Variants in SLC22A15 observed in about 807,000 individuals in gnomAD.
SLC22A15 encodes the protein solute carrier family 22 member 15.
SLC22A15 carries 45 observed loss-of-function variants against 62.7 expected under a neutral mutation model. The ratio of observed to expected loss-of-function variants is 0.72; its 90% CI spans 0.56 to 0.92. The LOEUF is 0.92. Among genes scored for constraint, SLC22A15 ranks in the 40% least tolerant of loss-of-function variants. The probability of loss-of-function intolerance (pLI) is 0.00; values close to 1 mark genes in which losing one functional copy is unlikely to be tolerated. For synonymous variants in SLC22A15, 264 were observed against 267.0 expected (o/e 0.99, Z 0.11); for missense variants, 622 against 665.6 (o/e 0.93, Z 0.72).
In SLC22A15 at chr1:116,018,295, A is replaced by G. The variant is rs374765191; in HGVS notation, c.301-1287A>G. The stretch of plus-strand genomic sequence containing the variant: ...TGTGTTTCTGTGTCTGGCTTATTTC[A>G]TACAGTATAATGTCTTCAGAGTTTA... On this transcript the variant is annotated intron_variant, in intron 2 of 11. Transcript: ENST00000369503. Among the ~76,000 whole-genome samples, 84 of 152,266 alleles carry G rather than the reference A, an allele frequency of 5.5e-4. No homozygotes were observed. In the East Asian group the frequency reaches 0.013, roughly 23 times the overall value.
intron 1 of SLC22A15, among the ~76,000 whole-genome samples, chr1:115,985,159 A>G (rs1654797216): frequency 6.6e-6 from 1 of 152,206 alleles, no homozygotes; most frequent in Admixed American, 6.5e-5. Context: ...GGCTCCGTTC[A>G]TGGTAAGTGT....
intron 2 of SLC22A15, among the ~76,000 whole-genome samples, chr1:116,006,095 A>C (rs1457624546): frequency 6.6e-6 from 1 of 152,202 alleles, no homozygotes; most frequent in Non-Finnish European, 1.5e-5. Context: ...AGCTTGACCT[A>C]AGCAACATTT....
intron 2 of SLC22A15, among the ~76,000 whole-genome samples, chr1:116,012,632 T>A (rs1308373618): frequency 1.3e-5 from 2 of 152,154 alleles, no homozygotes; most frequent in Non-Finnish European, 2.9e-5. Flanking sequence ...GTATTTGTAT[T>A]TAAAACACAC....
Position 116,066,702 on chromosome 1 carries a change from C to G in SLC22A15, c.1548C>G (p.Pro516=), listed in dbSNP as rs914412380. The G allele has an allele frequency of 3.1e-6, 5 of 1,610,104 alleles. No individual in the cohort carries two copies. The highest frequency in any genetic ancestry group is 1.3e-5 in the African/African-American group (1 of 74,722). The change falls in exon 11 of 12, where the codon CCC becomes CCG. Residue 516 remains proline, a synonymous_variant. Coordinates refer to ENST00000369503, the MANE Select transcript of SLC22A15 (RefSeq NM_018420.3). ...EEALSLQALD[P]QQCVDKESSL... is the part of the protein sequence containing the mutation. ...CATTATCTTTACAGGCTTTGGACCC[C>G]CAACAGGTGTGATATTTTTCTTAAT...
At chr1:115,987,444 A>T (rs1385555898) in intron 1 of SLC22A15, among the ~76,000 whole-genome samples, 1 of 152,176 alleles carries the variant, frequency 6.6e-6, no homozygotes, top group Non-Finnish European at 1.5e-5. Context: ...GATTACTGGC[A>T]TGAGTCCAGC....
At position 116,025,972 on chromosome 1, in the gene SLC22A15, T is replaced by G. The variant is rs189238616; in HGVS notation, c.599-921T>G. 2.0e-3 allele frequency among the ~76,000 whole-genome samples: 299 copies of G among 152,334 alleles called. 2 individuals carry two copies. The highest frequency in any genetic ancestry group is 7.0e-3 in the South Asian group (34 of 4,834). ...CAATTCCATGGTTGATATTTTTCCA[T>G]CATTGTGCTGACAAAAATCCATGCT... On this transcript the variant is annotated intron_variant, in intron 4 of 11. Coordinates refer to ENST00000369503, the MANE Select transcript of SLC22A15 (RefSeq NM_018420.3).
intron 10 of SLC22A15, among the ~76,000 whole-genome samples, chr1:116,064,843 C>T (rs541430610): frequency 1.3e-5 from 2 of 152,180 alleles, no homozygotes; most frequent in African/African-American, 2.4e-5. Context: ...GCACTTTCTA[C>T]ATATCATCAC....
intron 8 of SLC22A15, among the ~76,000 whole-genome samples, chr1:116,043,413 G>A (rs1657844858): frequency 6.6e-6 from 1 of 152,102 alleles, no homozygotes; most frequent in African/African-American, 2.4e-5. Context: ...GTGAAAGAGT[G>A]AGACTGTGTC....
At position 116,003,542 on chromosome 1, in the gene SLC22A15, A is replaced by G. The variant is rs538996904; in HGVS notation, c.300+11299A>G. On this transcript the variant is annotated intron_variant, in intron 2 of 11. Coordinates refer to ENST00000369503, the MANE Select transcript of SLC22A15 (RefSeq NM_018420.3). Reference sequence around the variant, plus strand: ...TCCTCTCTGGCTAGGGCTCATCTAAATGCTCCTTCTGTGGGCACCAGCTGA... The same window carrying G: ...TCCTCTCTGGCTAGGGCTCATCTAAGTGCTCCTTCTGTGGGCACCAGCTGA... Among the ~76,000 whole-genome samples, 6 of 152,234 alleles carry G rather than the reference A, an allele frequency of 3.9e-5. No homozygotes were observed. In the South Asian group the frequency reaches 1.2e-3, roughly 32 times the overall value.
Position 116,019,578 on chromosome 1 carries a change from C to G in SLC22A15, c.301-4C>G, listed in dbSNP as rs1464615729. The G allele has an allele frequency of 6.3e-7, 1 of 1,595,912 alleles. No homozygotes were observed. The highest frequency in any genetic ancestry group is 1.4e-5 in the African/African-American group (1 of 73,444). On this transcript the variant is annotated splice_polypyrimidine_tract_variant and splice_region_variant and intron_variant, in intron 2 of 11. Coordinates refer to ENST00000369503, the MANE Select transcript of SLC22A15 (RefSeq NM_018420.3). ...TGTCTCTCTTTTGTTTTATCTTCCTCTAGTGGTTTTTAATTGCCAACAGAT... is the reference window on the plus strand; with the variant it reads ...TGTCTCTCTTTTGTTTTATCTTCCTGTAGTGGTTTTTAATTGCCAACAGAT...
intron 8 of SLC22A15, among the ~76,000 whole-genome samples, chr1:116,058,811 G>T (rs76853441): frequency 1.3e-5 from 2 of 152,178 alleles, no homozygotes. Flanking sequence ...AATGGCATTT[G>T]CAGTGACCTG....
intron 8 of SLC22A15, among the ~76,000 whole-genome samples, chr1:116,057,806 G>A (rs1175797008): frequency 1.3e-5 from 2 of 151,922 alleles, no homozygotes; most frequent in East Asian, 1.9e-4. Context: ...CTATCGCAAG[G>A]ACAAAAAACC....
chr1:116,044,434 C>T (rs1426874581), intron 8 of SLC22A15, among the ~76,000 whole-genome samples: 1 of 152,210 alleles, frequency 6.6e-6, no homozygotes, highest in Non-Finnish European at 1.5e-5. Flanking sequence ...GTAAACATCA[C>T]ATTTACTGGT....
intron 1 of SLC22A15, among the ~76,000 whole-genome samples, chr1:115,991,338 C>T (rs1361552245): frequency 2.6e-5 from 4 of 152,170 alleles, no homozygotes; most frequent in East Asian, 3.9e-4. Flanking sequence ...TGAATGAATG[C>T]GTGAAGTATA....
rs1193475119 is a variant in SLC22A15 at position 116,069,359 on chromosome 1, T to C, written c.*2251T>C. The C allele has an allele frequency of 6.6e-6, 1 of 152,192 alleles. No individual in the cohort carries two copies. The highest frequency in any genetic ancestry group is 2.4e-5 in the African/African-American group (1 of 41,464). The allele number at this position is 152,192 out of a possible 1,614,324, so 9.4% of individuals were successfully genotyped here. A position where few individuals can be genotyped will look rare whatever the true frequency, so the allele number is the denominator to read the frequency against. On this transcript the variant is annotated 3_prime_UTR_variant, in exon 12 of 12. Coordinates refer to ENST00000369503, the MANE Select transcript of SLC22A15 (RefSeq NM_018420.3). The stretch of plus-strand genomic sequence containing the variant: ...TTGAATACTATTGATGTAGAGAATG[T>C]GTATATGTGTATATTTGCATTGATT...
Position 115,993,854 on chromosome 1 carries a change from A to G in SLC22A15, c.300+1611A>G, listed in dbSNP as rs139613869. Among the ~76,000 whole-genome samples the G allele has an allele frequency of 7.4e-3, 1,129 of 152,036 alleles. 12 individuals carry two copies. The highest frequency in any genetic ancestry group is 0.026 in the African/African-American group (1,065 of 41,470). On this transcript the variant is annotated intron_variant, in intron 2 of 11. Transcript: ENST00000369503. ...TGCACTTTACCCTGCTCTCACCCCTATGGAAATATTTACTATTTCCCACAC... is the reference window on the plus strand; with the variant it reads ...TGCACTTTACCCTGCTCTCACCCCTGTGGAAATATTTACTATTTCCCACAC...
chr1:115,999,553 G>C (rs1387055440), intron 2 of SLC22A15, among the ~76,000 whole-genome samples: 1 of 150,304 alleles, frequency 6.7e-6, no homozygotes, highest in African/African-American at 2.4e-5. Context: ...ACCCAGGCTG[G>C]AGTGCAGTGG....
At chr1:115,994,826 T>C (rs1655339151) in intron 2 of SLC22A15, among the ~76,000 whole-genome samples, 1 of 152,232 alleles carries the variant, frequency 6.6e-6, no homozygotes, top group South Asian at 2.1e-4. Flanking sequence ...TTATTTAAAC[T>C]ATACCTAGTT....
chr1:116,015,370 A>G (rs1656473424), intron 2 of SLC22A15: 1 of 152,228 alleles, frequency 6.6e-6, no homozygotes, highest in Non-Finnish European at 1.5e-5. Flanking sequence ...AAAAATTACT[A>G]GCAGTTACTT....
Sources: gnomAD v4.1 joint callset for allele counts (sites outside exome capture counted in the v4.1 genomes callset) on GRCh38, gnomAD v4.1.1 for gene constraint, MANE v1.5 for transcripts, NCBI Gene and HGNC (gene_info 2026-07-23, HGNC 2026-07-21) for gene names.